Variants in MCC observed in about 807,000 individuals in gnomAD.
MCC encodes the protein colorectal mutant cancer protein.
A neutral mutation model predicts 116.2 loss-of-function variants in MCC; 90 were observed. That is an observed-to-expected ratio of 0.77 (90% confidence interval 0.65 to 0.92). MCC has a LOEUF of 0.92. Ranked by LOEUF, MCC falls within the 40% of genes least tolerant of loss-of-function variation. MCC has a pLI of 0.00. For missense variants in MCC, 1,516 were observed against 1,312.2 expected, an observed-to-expected ratio of 1.16 and a Z score of -2.40; for synonymous variants, 578 against 510.5, an observed-to-expected ratio of 1.13 and a Z score of -1.78.
In MCC at chr5:113,332,636, A is replaced by G. The variant is rs1277527423; in HGVS notation, c.627+7883T>C. On this transcript the variant is annotated intron_variant, in intron 3 of 18. Coordinates refer to ENST00000408903, the MANE Select transcript of MCC (RefSeq NM_001085377.2). Reference sequence around the variant, plus strand: ...TCCAGTAGAAAAAAATAATGCTGGCATAGGACTGCAAAGTTAGTTACAAAA... The same window carrying G: ...TCCAGTAGAAAAAAATAATGCTGGCGTAGGACTGCAAAGTTAGTTACAAAA... Among the ~76,000 whole-genome samples the G allele has an allele frequency of 2.6e-5, 4 of 151,432 alleles. 1 individual carries two copies. Among genetic ancestry groups the G allele is most frequent in the African/African-American group, 9.8e-5 (4 of 40,810 alleles).
At chr5:113,241,780 C>T (rs1764377822) in intron 3 of MCC, among the ~76,000 whole-genome samples, 1 of 152,172 alleles carries the variant, frequency 6.6e-6, no homozygotes. Context: ...TTCATTCTGC[C>T]AAATGTTGGA....
chr5:113,294,151 G>A (rs1157875173), intron 3 of MCC, among the ~76,000 whole-genome samples: 4 of 152,084 alleles, frequency 2.6e-5, no homozygotes, highest in African/African-American at 9.7e-5. Flanking sequence ...GTCATTTCCT[G>A]AGTAGCACTA....
chr5:113,410,752 C>A (rs1769967348), intron 1 of MCC, among the ~76,000 whole-genome samples: 1 of 152,168 alleles, frequency 6.6e-6, no homozygotes, highest in African/African-American at 2.4e-5. Flanking sequence ...GCTATCCCTC[C>A]CCCAACGCTC....
chr5:113,238,139 C>CA (rs1452214275), intron 3 of MCC, among the ~76,000 whole-genome samples: 1 of 152,180 alleles, frequency 6.6e-6, no homozygotes, highest in African/African-American at 2.4e-5. Flanking sequence ...TGCATGCAAC[C>CA]AGTCACTTAA....
At chr5:113,136,046 A>AAAAT (rs937933332) in intron 5 of MCC, among the ~76,000 whole-genome samples, 2 of 152,166 alleles carry the variant, frequency 1.3e-5, no homozygotes, top group African/African-American at 4.8e-5. Flanking sequence ...CTCTGTCTCA[A>AAAAT]AAATAAATAA....
intron 2 of MCC, among the ~76,000 whole-genome samples, chr5:113,347,530 C>G (rs917467799): frequency 3.9e-5 from 6 of 151,946 alleles, no homozygotes; most frequent in African/African-American, 1.4e-4. Context: ...GGTTGTATTA[C>G]TTGCAAGCCT....
intron 3 of MCC, among the ~76,000 whole-genome samples, chr5:113,262,777 C>T (rs560377415): frequency 2.8e-4 from 42 of 152,180 alleles, no homozygotes; most frequent in African/African-American, 9.9e-4. Context: ...GCCCTGCACC[C>T]TGATTTTCTG....
intron 1 of MCC, among the ~76,000 whole-genome samples, chr5:113,410,827 A>G (rs555291077): frequency 1.3e-5 from 2 of 152,250 alleles, no homozygotes; most frequent in South Asian, 2.1e-4. Flanking sequence ...TCGTTGTTCA[A>G]TTCCCACCTA....
In MCC at chr5:113,220,375, C is replaced by T. The variant is rs114345694; in HGVS notation, c.628-68953G>A. On this transcript the variant is annotated intron_variant, in intron 3 of 18. Transcript: ENST00000408903. The stretch of plus-strand genomic sequence containing the variant: ...CGCCCGGCCAGCATGTCAATTTCTA[C>T]TGAAATGTCTGCTGAGATTTTAATT... Among the ~76,000 whole-genome samples the T allele has an allele frequency of 6.7e-3, 1,016 of 152,020 alleles. 16 individuals carry two copies. Among genetic ancestry groups the T allele is most frequent in the African/African-American group, 0.023 (944 of 41,502 alleles).
At chr5:113,462,387 A>G (rs1771766867) in intron 1 of MCC, among the ~76,000 whole-genome samples, 1 of 152,248 alleles carries the variant, frequency 6.6e-6, no homozygotes, top group African/African-American at 2.4e-5. Flanking sequence ...ACTGGGAAAT[A>G]GCACCTCAGG....
chr5:113,465,223 T>A, intron 1 of MCC, among the ~76,000 whole-genome samples: 1 of 150,616 alleles, frequency 6.6e-6, no homozygotes, highest in African/African-American at 2.4e-5. Flanking sequence ...AGATCCATAA[T>A]GAGATGCAAA....
intron 1 of MCC, among the ~76,000 whole-genome samples, chr5:113,398,195 T>C (rs946601052): frequency 7.2e-5 from 11 of 152,150 alleles, no homozygotes; most frequent in African/African-American, 7.2e-5. Context: ...CATTTGTCAG[T>C]GAGGCTGTGG....
At chr5:113,141,095 A>C (rs1432952709) in intron 5 of MCC, among the ~76,000 whole-genome samples, 1 of 152,204 alleles carries the variant, frequency 6.6e-6, no homozygotes, top group African/African-American at 2.4e-5. Context: ...AGAACAAAAA[A>C]GGAAGAGAAA....
chr5:113,333,846 T>TATATACATATGTAC (rs1469058009), intron 3 of MCC, among the ~76,000 whole-genome samples: 12,264 of 62,626 alleles, frequency 0.2, 2,744 homozygotes, highest in Non-Finnish European at 0.27. Flanking sequence ...TATATATGTA[T>TATATACATATGTAC]ATATGTACAT....
intron 7 of MCC, among the ~76,000 whole-genome samples, chr5:113,102,631 T>C (rs1161346113): frequency 2.0e-5 from 3 of 152,318 alleles, no homozygotes; most frequent in Non-Finnish European, 2.9e-5. Context: ...TTTTAAAAAA[T>C]TCATTTAAAA....
chr5:113,196,646 G>A (rs967355598), intron 3 of MCC, among the ~76,000 whole-genome samples: 4 of 152,108 alleles, frequency 2.6e-5, no homozygotes, highest in South Asian at 2.1e-4. Flanking sequence ...TCAGGAGATC[G>A]AGACCATCCT....
chr5:113,399,937 T>C (rs1377406462), intron 1 of MCC: 1 of 152,074 alleles, frequency 6.6e-6, no homozygotes, highest in Non-Finnish European at 1.5e-5. Flanking sequence ...AGTTTCCCCT[T>C]TCCAGGTGAA....
chr5:113,354,084 T>C (rs1430626734), intron 2 of MCC, among the ~76,000 whole-genome samples: 1 of 152,154 alleles, frequency 6.6e-6, no homozygotes, highest in African/African-American at 2.4e-5. Flanking sequence ...GGCTTAAACA[T>C]AAAAGACTTA....
chr5:113,023,958 T>A lies in MCC; in HGVS notation c.*3344A>T, dbSNP rs1750346511. On this transcript the variant is annotated 3_prime_UTR_variant, in exon 19 of 19. Transcript: ENST00000408903. ...CTTGATCGGGTAACTACGGTGCACT[T>A]TTTTCTCATTTAAAATAATCTAATC... 2 of 152,172 alleles carry A rather than the reference T, an allele frequency of 1.3e-5. No individual in the cohort carries two copies. The highest frequency in any genetic ancestry group is 1.3e-4 in the Admixed American group (2 of 15,282). The allele number at this position is 152,172 out of a possible 1,614,324, so 9.4% of individuals were successfully genotyped here. A position where few individuals can be genotyped will look rare whatever the true frequency, so the allele number is the denominator to read the frequency against.
Sources: gnomAD v4.1 joint callset for allele counts (sites outside exome capture counted in the v4.1 genomes callset) on GRCh38, gnomAD v4.1.1 for gene constraint, MANE v1.5 for transcripts, NCBI Gene and HGNC (gene_info 2026-07-23, HGNC 2026-07-21) for gene names.